TUB: variants seen among roughly 807,000 people sequenced by gnomAD.
TUB encodes TUB bipartite transcription factor.
In TUB, 33 loss-of-function variants were observed where a neutral mutation model predicts 59.7. The ratio of observed to expected loss-of-function variants is 0.55; its 90% CI spans 0.42 to 0.74. TUB has a LOEUF of 0.74. Among genes scored for constraint, TUB ranks in the 30% least tolerant of loss-of-function variants. TUB has a pLI of 0.00. For synonymous variants in TUB, 293 were observed against 256.4 expected (o/e 1.14, Z -1.36); for missense variants, 659 against 672.0 (o/e 0.98, Z 0.21).
chr11:8,100,410 G>A (rs1944222620), intron 9 of TUB, 93 bp from the exon 10 acceptor site: 1 of 959,934 alleles, frequency 1.0e-6, no homozygotes, highest in Non-Finnish European at 1.6e-6. Context: ...GAGATGGTGG[G>A]AACTAGCTCT....
At chr11:8,036,078 T>G (rs1181365231), upstream of TUB, 1 of 152,140 alleles carries the variant, frequency 6.6e-6, no homozygotes, top group African/African-American at 2.4e-5. Context: ...AAACAGACAT[T>G]TTAGAAAGAT....
At chr11:8,033,520 T>C (rs1589922640) in intron 1 of TUB, among the ~76,000 whole-genome samples, 1 of 152,220 alleles carries the variant, frequency 6.6e-6, no homozygotes, top group African/African-American at 2.4e-5. Context: ...CTTCAGACTC[T>C]GTAGTTCAGG....
intron 9 of TUB, among the ~76,000 whole-genome samples, chr11:8,099,616 G>C (rs994942534): frequency 1.3e-5 from 2 of 152,166 alleles, no homozygotes; most frequent in African/African-American, 4.8e-5. Flanking sequence ...ACCTTTATGG[G>C]ACTTAAAGCC....
chr11:8,084,247 G>T (rs1209725873), intron 1 of TUB, among the ~76,000 whole-genome samples: 12 of 152,180 alleles, frequency 7.9e-5, no homozygotes, highest in Non-Finnish European at 1.6e-4. Context: ...TTAGAGAAAT[G>T]ATAGTTGGTG....
intron 8 of TUB, 116 bp from the exon 9 acceptor site, chr11:8,098,642 C>G (rs1944114122): frequency 4.0e-6 from 3 of 742,538 alleles, no homozygotes; most frequent in African/African-American, 3.5e-5. Context: ...CTCCCTGGGC[C>G]TGCTCCTGTT....
At chr11:8,070,001 A>C (rs4758281) in intron 2 of TUB, among the ~76,000 whole-genome samples, 103,058 of 152,112 alleles carry the variant, frequency 0.68, 35,761 homozygotes, top group African/African-American at 0.84. Context: ...TCTCACGGGA[A>C]AATGGAGGTG....
upstream of TUB, chr11:8,076,811 T>C (rs1347313943): frequency 6.6e-6 from 1 of 152,228 alleles, no homozygotes; most frequent in South Asian, 2.1e-4. Context: ...TGCTTTTGTG[T>C]GTTTGTGTGT....
chr11:8,057,627 TCC>T (rs1943040893), intron 2 of TUB, among the ~76,000 whole-genome samples: 2 of 27,938 alleles, frequency 7.2e-5, no homozygotes, highest in African/African-American at 1.4e-4. Context: ...GTAATTACCC[TCC>T]TTATCTTGTC....
At chr11:8,085,713 G>A (rs1210310872) in intron 1 of TUB, among the ~76,000 whole-genome samples, 2 of 152,210 alleles carry the variant, frequency 1.3e-5, no homozygotes, top group Non-Finnish European at 2.9e-5. Context: ...GGTTGGGTCT[G>A]TCCCTAGATT....
At chr11:8,054,593 G>A (rs1589936107) in intron 2 of TUB, among the ~76,000 whole-genome samples, 2 of 152,218 alleles carry the variant, frequency 1.3e-5, no homozygotes, top group African/African-American at 4.8e-5. Flanking sequence ...CTCCCAGCCC[G>A]AATGTCTGTT....
chr11:8,026,672 G>A (rs1475005183), intron 1 of TUB, among the ~76,000 whole-genome samples: 1 of 152,054 alleles, frequency 6.6e-6, no homozygotes, highest in Non-Finnish European at 1.5e-5. Context: ...ATTGAAATCT[G>A]GCAGTTCAGG....
intron 9 of TUB, among the ~76,000 whole-genome samples, chr11:8,099,877 A>G (rs1430032486): frequency 1.3e-5 from 2 of 152,188 alleles, no homozygotes; most frequent in South Asian, 2.1e-4. Flanking sequence ...TGAAGAAGGA[A>G]TGGAGTGGAT....
intron 2 of TUB, among the ~76,000 whole-genome samples, chr11:8,041,406 C>G (rs1942748299): frequency 6.6e-6 from 1 of 152,164 alleles, no homozygotes; most frequent in Non-Finnish European, 1.5e-5. Flanking sequence ...ATAGGGCTGA[C>G]TTATCTCCGT....
At chr11:8,097,181 C>T (rs573519160) in intron 6 of TUB, 47 bp from the exon 7 acceptor site, 2 of 1,603,200 alleles carry the variant, frequency 1.2e-6, no homozygotes, top group Admixed American at 1.7e-5. Flanking sequence ...CCAATTTGGG[C>T]TGCTTAGGGT....
At chr11:8,040,010 C>T (rs1223921310) in intron 2 of TUB, among the ~76,000 whole-genome samples, 1 of 152,184 alleles carries the variant, frequency 6.6e-6, no homozygotes, top group Admixed American at 6.5e-5. Context: ...CTGGGACTCT[C>T]AGCCAAGCCT....
At chr11:8,056,816 A>C (rs1348621694) in intron 2 of TUB, among the ~76,000 whole-genome samples, 1 of 151,932 alleles carries the variant, frequency 6.6e-6, no homozygotes. Flanking sequence ...GTGTGCAGGC[A>C]TGTCCCCAAA....
At chr11:8,031,254 G>A (rs1487990542) in intron 1 of TUB, among the ~76,000 whole-genome samples, 1 of 149,614 alleles carries the variant, frequency 6.7e-6, no homozygotes, top group African/African-American at 2.4e-5. Flanking sequence ...CCTGCATTTG[G>A]TGGGGTCAAG....
Position 8,096,724 on chromosome 11 carries a change from A to T in TUB, c.605A>T (p.Asp202Val), listed in dbSNP as rs1335667249. 6 of 1,613,988 alleles carry T rather than the reference A, an allele frequency of 3.7e-6. No homozygotes were observed. Among genetic ancestry groups the T allele is most frequent in the Non-Finnish European group, 5.1e-6 (6 of 1,179,930 alleles). Residue 202 changes from aspartate to valine, a missense_variant, in exon 6 of 12, where the codon GAT becomes GTT. Physicochemically the swap from Asp to Val is radical, Grantham distance 152. Coordinates refer to ENST00000299506, the MANE Select transcript of TUB (RefSeq NM_177972.3). Reference sequence around the variant, plus strand: ...ATGAGCTTTGACGAGGATGAGGAGGATGAGGAGGAGAATAGCTCCAGCTCC... The same window carrying T: ...ATGAGCTTTGACGAGGATGAGGAGGTTGAGGAGGAGAATAGCTCCAGCTCC... ...SSMSFDEDEEDEEENSSSSSQ... is the reference protein window; with the variant it reads ...SSMSFDEDEEVEEENSSSSSQ...
At chr11:8,091,236 A>G (rs1442836375) in intron 3 of TUB, among the ~76,000 whole-genome samples, 4 of 152,202 alleles carry the variant, frequency 2.6e-5, no homozygotes, top group African/African-American at 9.6e-5. Context: ...TAGCTCCCTG[A>G]GCCCTTTGTC....
Sources: gnomAD v4.1 joint callset for allele counts (sites outside exome capture counted in the v4.1 genomes callset) on GRCh38, gnomAD v4.1.1 for gene constraint, MANE v1.5 for transcripts, NCBI Gene and HGNC (gene_info 2026-07-23, HGNC 2026-07-21) for gene names.